The following CNTNAP2 variants were observed in gnomAD, a reference collection of about 807,000 sequenced individuals.
The protein encoded by CNTNAP2 is contactin associated protein 2.
CNTNAP2 carries 98 observed loss-of-function variants against 155.2 expected under a neutral mutation model. The ratio of observed to expected loss-of-function variants is 0.63; its 90% CI spans 0.54 to 0.75. The LOEUF (loss-of-function observed/expected upper bound fraction) is 0.75, where lower values mean the gene tolerates loss of function less well. Among genes scored for constraint, CNTNAP2 ranks in the 30% least tolerant of loss-of-function variants. The pLI, the probability that CNTNAP2 is intolerant of heterozygous loss-of-function variation, is 0.00. For synonymous variants in CNTNAP2, 651 were observed against 631.2 expected, an observed-to-expected ratio of 1.03 and a Z score of -0.47; for missense variants, 1,727 against 1,688.1, an observed-to-expected ratio of 1.02 and a Z score of -0.40.
intron 12 of CNTNAP2, among the ~76,000 whole-genome samples, chr7:147,582,570 G>A (rs1285921996): frequency 6.6e-6 from 1 of 152,098 alleles, no homozygotes; most frequent in East Asian, 1.9e-4. Context: ...GAGAGTATTT[G>A]AATGAATAAA....
chr7:146,879,993 G>A (rs1180555019), intron 3 of CNTNAP2, among the ~76,000 whole-genome samples: 1 of 151,942 alleles, frequency 6.6e-6, no homozygotes, highest in East Asian at 1.9e-4. Context: ...AAAACCATCA[G>A]ATCTCGTAAG....
intron 16 of CNTNAP2, among the ~76,000 whole-genome samples, chr7:148,127,157 T>G (rs1175045868): frequency 6.6e-6 from 1 of 151,960 alleles, no homozygotes. Flanking sequence ...ATACAAAAAT[T>G]AGCTGGGCGT....
intron 14 of CNTNAP2, among the ~76,000 whole-genome samples, chr7:147,914,094 T>C (rs1042411396): frequency 4.0e-5 from 6 of 150,988 alleles, no homozygotes; most frequent in East Asian, 1.9e-4. Flanking sequence ...GAAATGTCCA[T>C]GAATAGAGTT....
At position 147,520,790 on chromosome 7, in the gene CNTNAP2, C is replaced by T. The variant is rs139229679; in HGVS notation, c.1777+34749C>T. On this transcript the variant is annotated intron_variant, in intron 11 of 23. Coordinates refer to ENST00000361727, the MANE Select transcript of CNTNAP2 (RefSeq NM_014141.6). Reference sequence around the variant, plus strand: ...ACTAAACTGTCCATTTCTTCTCCTACTAGTGTGTTATTTTCAGGGTGTTTT... The same window carrying T: ...ACTAAACTGTCCATTTCTTCTCCTATTAGTGTGTTATTTTCAGGGTGTTTT... Among the ~76,000 whole-genome samples, 48 of 152,276 alleles carry T rather than the reference C, an allele frequency of 3.2e-4. 2 individuals are homozygous for T. In the East Asian group the frequency reaches 9.3e-3, roughly 29 times the overall value.
At chr7:146,794,904 A>G (rs902958974) in intron 2 of CNTNAP2, among the ~76,000 whole-genome samples, 1 of 152,220 alleles carries the variant, frequency 6.6e-6, no homozygotes, top group African/African-American at 2.4e-5. Context: ...GTGCTTTTAT[A>G]TCAATTATGT....
chr7:147,635,828 G>C (rs996288679), intron 12 of CNTNAP2, among the ~76,000 whole-genome samples: 7 of 152,096 alleles, frequency 4.6e-5, no homozygotes, highest in Non-Finnish European at 7.3e-5. Flanking sequence ...AGGTTTGAAG[G>C]CTATTCCATC....
At chr7:147,033,487 T>C (rs1328454077) in intron 3 of CNTNAP2, among the ~76,000 whole-genome samples, 1 of 151,990 alleles carries the variant, frequency 6.6e-6, no homozygotes, top group African/African-American at 2.4e-5. Flanking sequence ...TGAGTCAGTC[T>C]AGCATGCTCT....
chr7:146,345,544 C>G (rs1794807256), intron 1 of CNTNAP2, among the ~76,000 whole-genome samples: 1 of 152,132 alleles, frequency 6.6e-6, no homozygotes, highest in African/African-American at 2.4e-5. Flanking sequence ...AACACACACT[C>G]TCTCTCTCAT....
intron 4 of CNTNAP2, among the ~76,000 whole-genome samples, chr7:147,104,258 C>T (rs1002754705): frequency 6.6e-6 from 1 of 151,972 alleles, no homozygotes; most frequent in African/African-American, 2.4e-5. Context: ...ACTTCCACCA[C>T]AATTTTTATT....
intron 1 of CNTNAP2, among the ~76,000 whole-genome samples, chr7:146,246,181 T>G (rs1183845773): frequency 3.3e-5 from 5 of 151,232 alleles, no homozygotes; most frequent in Non-Finnish European, 7.4e-5. Flanking sequence ...TGGTAAGGGG[T>G]GCATGATCGG....
At chr7:148,184,267 T>TA (rs1192550874) in intron 18 of CNTNAP2, among the ~76,000 whole-genome samples, 7 of 151,958 alleles carry the variant, frequency 4.6e-5, no homozygotes, top group African/African-American at 7.2e-5. Flanking sequence ...CCCATCTCTA[T>TA]AAAAAAAATA....
intron 8 of CNTNAP2, among the ~76,000 whole-genome samples, chr7:147,295,284 T>C (rs926718117): frequency 2.0e-5 from 3 of 151,902 alleles, no homozygotes; most frequent in African/African-American, 7.3e-5. Flanking sequence ...TGTGTGTGTG[T>C]GCACGTGTTG....
chr7:146,583,890 G>C (rs1309804607), intron 1 of CNTNAP2, among the ~76,000 whole-genome samples: 2 of 152,044 alleles, frequency 1.3e-5, no homozygotes, highest in African/African-American at 4.8e-5. Flanking sequence ...CCTTGTACTA[G>C]AGCTGGTTTT....
At chr7:147,887,266 G>T (rs773572076) in intron 13 of CNTNAP2, among the ~76,000 whole-genome samples, 4 of 152,160 alleles carry the variant, frequency 2.6e-5, no homozygotes, top group Non-Finnish European at 4.4e-5. Context: ...GTGGTCAGGA[G>T]TTCGAGACCA....
At chr7:147,090,144 A>G (rs1301364074) in intron 4 of CNTNAP2, among the ~76,000 whole-genome samples, 1 of 152,218 alleles carries the variant, frequency 6.6e-6, no homozygotes, top group Non-Finnish European at 1.5e-5. Context: ...CCATTCATGC[A>G]TGTTATGGTA....
At chr7:147,445,907 G>A (rs1797728907) in intron 10 of CNTNAP2, among the ~76,000 whole-genome samples, 1 of 151,920 alleles carries the variant, frequency 6.6e-6, no homozygotes, top group African/African-American at 2.4e-5. Context: ...TGATCATCCT[G>A]GCTCAGCCTC....
chr7:147,016,766 G>A (rs749379975), intron 3 of CNTNAP2, among the ~76,000 whole-genome samples: 21 of 152,020 alleles, frequency 1.4e-4, no homozygotes, highest in Non-Finnish European at 2.8e-4. Context: ...TTACTTAATT[G>A]TTTTTCAAGG....
chr7:147,903,091 A>G (rs1005588950), intron 13 of CNTNAP2, among the ~76,000 whole-genome samples: 1 of 152,300 alleles, frequency 6.6e-6, no homozygotes, highest in East Asian at 1.9e-4. Context: ...CATTCCCACC[A>G]GCAGTGTAGA....
At chr7:148,010,547 T>A (rs1031435806) in intron 15 of CNTNAP2, among the ~76,000 whole-genome samples, 1 of 151,926 alleles carries the variant, frequency 6.6e-6, no homozygotes, top group Non-Finnish European at 1.5e-5. Flanking sequence ...AATGGTATAA[T>A]CTAAGGGTTC....
Sources: allele counts gnomAD v4.1 joint callset (sites outside exome capture counted in the v4.1 genomes callset), GRCh38; gene constraint gnomAD v4.1.1; transcripts MANE v1.5; gene names NCBI Gene and HGNC (gene_info 2026-07-23, HGNC 2026-07-21).